The following CLDN16 variants were observed in gnomAD, a reference collection of about 807,000 sequenced individuals.
CLDN16 encodes claudin 16.
CLDN16 carries 13 observed loss-of-function variants against 24.6 expected under a neutral mutation model. The ratio of observed to expected loss-of-function variants is 0.53; its 90% confidence interval spans 0.34 to 0.84. The LOEUF (loss-of-function observed/expected upper bound fraction) is 0.84. Ranked by LOEUF, CLDN16 falls within the 40% of genes least tolerant of loss-of-function variation. The pLI, the probability that CLDN16 is intolerant of heterozygous loss-of-function variation, is 0.01. For missense variants in CLDN16, 298 were observed against 292.7 expected, an observed-to-expected ratio of 1.02 and a Z score of -0.13; for synonymous variants, 116 against 106.7, an observed-to-expected ratio of 1.09 and a Z score of -0.54.
At chr3:190,351,500 C>G (rs529270639) in intron 1 of CLDN16, among the ~76,000 whole-genome samples, 1 of 152,232 alleles carries the variant, frequency 6.6e-6, no homozygotes, top group African/African-American at 2.4e-5. Flanking sequence ...AAAATGTAAC[C>G]TAGTCCATAG....
In CLDN16 at chr3:190,410,379, T is replaced by C; in HGVS notation, c.*343T>C. The C allele has an allele frequency of 5.1e-6, 1 of 194,330 alleles. No homozygotes were observed. The highest frequency in any genetic ancestry group is 1.3e-4 in the East Asian group (1 of 7,458). The allele number at this position is 194,330 out of a possible 1,614,324, so 12.0% of individuals were successfully genotyped here. ...AAATGATACTTAAACAGAAAGCAAT[T>C]TCCAAAGAGGCCAGGGACCCTAATC... On this transcript the variant is annotated 3_prime_UTR_variant, in exon 5 of 5. Coordinates refer to ENST00000264734, the MANE Select transcript of CLDN16 (RefSeq NM_006580.4).
At chr3:190,349,795 A>G (rs1328744684) in intron 1 of CLDN16, among the ~76,000 whole-genome samples, 1 of 152,164 alleles carries the variant, frequency 6.6e-6, no homozygotes, top group African/African-American at 2.4e-5. Context: ...GACCCAAGGT[A>G]AAGAAGGAAA....
chr3:190,395,670 G>A (rs1341847844), intron 1 of CLDN16, among the ~76,000 whole-genome samples: 2 of 152,028 alleles, frequency 1.3e-5, no homozygotes, highest in East Asian at 3.9e-4. Flanking sequence ...TTAGCACATG[G>A]ATAGTAAAGT....
chr3:190,395,952 A>G (rs1001805664), intron 1 of CLDN16, among the ~76,000 whole-genome samples: 1 of 152,148 alleles, frequency 6.6e-6, no homozygotes, highest in African/African-American at 2.4e-5. Context: ...ACTAGAGAAG[A>G]GATAAATGCC....
At chr3:190,363,827 C>A (rs1309592251) in intron 1 of CLDN16, among the ~76,000 whole-genome samples, 2 of 151,630 alleles carry the variant, frequency 1.3e-5, no homozygotes, top group Non-Finnish European at 1.5e-5. Context: ...GATTCATCCT[C>A]ATGTCTCTTT....
chr3:190,399,571 T>C (rs1478334159), intron 1 of CLDN16, among the ~76,000 whole-genome samples: 1 of 152,192 alleles, frequency 6.6e-6, no homozygotes, highest in Non-Finnish European at 1.5e-5. Flanking sequence ...ATATGCATCT[T>C]CTTAAATGGG....
rs762225673 is a variant in CLDN16, at chr3:190,331,673, G to A, written n.121+9012G>A. ...AGTTCTAAAATGTATTTGACTACAC[G>A]GATAGTCTCTGTTGAAATTTTTAAA... On this transcript the variant is annotated intron_variant and non_coding_transcript_variant, in intron 1 of 4. Transcript: ENST00000468220. 3.9e-5 allele frequency among the ~76,000 whole-genome samples: 6 copies of A among 152,048 alleles called. No individual in the cohort carries two copies. The East Asian group carries it at 7.7e-4, about 20-fold the overall frequency.
the CLDN16 span, chr3:190,308,303 G>C: frequency 6.2e-7 from 1 of 1,613,812 alleles, no homozygotes; most frequent in Middle Eastern, 1.7e-4. Flanking sequence ...CCGCTGGAAG[G>C]TGCAGGTTTT....
intron 1 of CLDN16, among the ~76,000 whole-genome samples, chr3:190,395,157 A>G (rs888512731): frequency 6.6e-6 from 1 of 152,140 alleles, no homozygotes; most frequent in African/African-American, 2.4e-5. Flanking sequence ...AAATATTTAG[A>G]AAGTTCAGAT....
chr3:190,316,430 C>T, the CLDN16 span, among the ~76,000 whole-genome samples: 43,775 of 152,018 alleles, frequency 0.29, 6,606 homozygotes, highest in East Asian at 0.57. Context: ...CATGTAGTCA[C>T]GCACAAAAAG....
chr3:190,377,003 A>C (rs1487531028), intron 3 of CLDN16, among the ~76,000 whole-genome samples: 1 of 151,962 alleles, frequency 6.6e-6, no homozygotes, highest in Non-Finnish European at 1.5e-5. Flanking sequence ...GAGGCAGAGA[A>C]GCTAGTTAAG....
the CLDN16 span, chr3:190,308,207 A>G: frequency 6.4e-7 from 1 of 1,561,108 alleles, no homozygotes; most frequent in Admixed American, 1.7e-5. Flanking sequence ...TAAGGTCCTA[A>G]TGTTAATGAT....
chr3:190,409,884 T>TTATA lies in CLDN16; in HGVS notation c.575-17_575-14dup. 6.2e-7 allele frequency: 1 copy of TTATA among 1,612,442 alleles called. No individual in the cohort carries two copies. Among genetic ancestry groups the TTATA allele is most frequent in the Non-Finnish European group, 8.5e-7 (1 of 1,178,496 alleles). On this transcript the variant is annotated intron_variant, in intron 4 of 4. Coordinates refer to ENST00000264734, the MANE Select transcript of CLDN16 (RefSeq NM_006580.4). ...CAAGTTCACTGAGTTCTACTTATTT[T>TTATA]TATATTTCTTTCAAACAGATGTTGG... is the stretch of plus-strand genomic sequence containing the variant.
At chr3:190,327,971 T>C (rs1357850535) in intron 1 of CLDN16, among the ~76,000 whole-genome samples, 2 of 152,122 alleles carry the variant, frequency 1.3e-5, no homozygotes. Flanking sequence ...CAGAAATAAG[T>C]AGCAATGCGA....
At chr3:190,409,873 T>C (rs1291820398) in intron 4 of CLDN16, 30 bp from the exon 5 acceptor site, 3 of 1,608,548 alleles carry the variant, frequency 1.9e-6, no homozygotes, top group Non-Finnish European at 2.6e-6. Flanking sequence ...TTCACTGAGT[T>C]CTACTTATTT....
chr3:190,363,554 GTGTATATATATATATATATATATA>G lies in CLDN16; in HGVS notation n.122-7337_122-7314del, dbSNP rs1189076798. 1.7e-4 allele frequency among the ~76,000 whole-genome samples: 14 copies of G among 81,356 alleles called. No homozygotes were observed. In the South Asian group the frequency reaches 1.9e-3, roughly 11 times the overall value. The allele number at this position is 81,356 out of a possible 152,430, so 53.4% of individuals were successfully genotyped here. A position where few individuals can be genotyped will look rare whatever the true frequency, so the allele number is the denominator to read the frequency against. On this transcript the variant is annotated intron_variant and non_coding_transcript_variant, in intron 1 of 4. Coordinates refer to the CLDN16 transcript ENST00000468220. Reference sequence around the variant, plus strand: ...CCAGTTGCTGTGCGTGTGTGTGTGTGTGTATATATATATATATATATATATATATATATATATATATATTTTCTT... The same window carrying G: ...CCAGTTGCTGTGCGTGTGTGTGTGTGTATATATATATATATATATTTTCTT...
intron 4 of CLDN16, 43 bp downstream of exon 4, chr3:190,408,548 C>A (rs568108610): frequency 6.4e-7 from 1 of 1,554,084 alleles, no homozygotes; most frequent in African/African-American, 1.4e-5. Context: ...CCTCCACTAT[C>A]GTTTTTCCCA....
chr3:190,356,098 A>T (rs1241058362), intron 1 of CLDN16, among the ~76,000 whole-genome samples: 1 of 151,672 alleles, frequency 6.6e-6, no homozygotes, highest in Non-Finnish European at 1.5e-5. Flanking sequence ...AATCAATATG[A>T]TTTTTGCTGA....
intron 3 of CLDN16, among the ~76,000 whole-genome samples, chr3:190,378,239 C>A (rs1274120835): frequency 2.6e-5 from 4 of 151,904 alleles, no homozygotes; most frequent in African/African-American, 4.8e-5. Flanking sequence ...AATGCACTTA[C>A]AAGAAGACAG....
Sources: gnomAD v4.1 joint callset for allele counts (sites outside exome capture counted in the v4.1 genomes callset) on GRCh38, gnomAD v4.1.1 for gene constraint, MANE v1.5 for transcripts, NCBI Gene and HGNC (gene_info 2026-07-23, HGNC 2026-07-21) for gene names.